ENO4: variants seen among roughly 807,000 people sequenced by gnomAD.
ENO4 encodes enolase 4.
Under a neutral mutation model 63.2 loss-of-function variants are expected in ENO4, and 53 were observed. The observed-to-expected ratio is 0.84, with a 90% CI of 0.67 to 1.05. The LOEUF is 1.05. ENO4 is among the 50% of genes least tolerant of loss of function. ENO4 has a pLI of 0.00. For missense variants in ENO4, 719 were observed against 772.0 expected, an observed-to-expected ratio of 0.93 and a Z score of 0.81; for synonymous variants, 266 against 283.8, an observed-to-expected ratio of 0.94 and a Z score of 0.63.
At chr10:116,897,256 T>C (rs1052120714) in intron 10 of ENO4, among the ~76,000 whole-genome samples, 2 of 152,232 alleles carry the variant, frequency 1.3e-5, no homozygotes, top group East Asian at 1.9e-4. Flanking sequence ...GTCCTGAGGA[T>C]GTATTTTAAA....
At chr10:116,879,396 T>C (rs1420967991) in intron 12 of ENO4, 38 bp downstream of exon 12, 1 of 1,452,408 alleles carries the variant, frequency 6.9e-7, no homozygotes, top group African/African-American at 1.4e-5. Flanking sequence ...AAACACTGCT[T>C]TTATCACGAA....
chr10:116,884,050 C>G (rs1379306356), downstream of ENO4: 1 of 311,626 alleles, frequency 3.2e-6, no homozygotes, highest in Non-Finnish European at 6.5e-6. Context: ...CTATAGCGCA[C>G]AAGACTTAAT....
rs116398849 is a variant in ENO4, at chr10:116,899,771, G to A, written c.1195-11728G>A. On this transcript the variant is annotated intron_variant, in intron 10 of 10. Transcript: ENST00000369207. The stretch of plus-strand genomic sequence containing the variant: ...TACTTTACTTATTAATTGCTGACCC[G>A]ACTTCAAAGTGCTTTGACAGGCCAA... 2.4e-3 allele frequency among the ~76,000 whole-genome samples: 362 copies of A among 152,212 alleles called. 3 individuals are homozygous for A. The highest frequency in any genetic ancestry group is 8.2e-3 in the African/African-American group (339 of 41,522).
intron 3 of ENO4, 90 bp from the exon 4 acceptor site, chr10:116,858,900 A>G: frequency 1.5e-6 from 1 of 664,494 alleles, no homozygotes; most frequent in East Asian, 3.0e-5. Flanking sequence ...ATTTATTGAA[A>G]TATATGGGGT....
intron 1 of ENO4, among the ~76,000 whole-genome samples, chr10:116,853,187 C>T (rs1846138075): frequency 6.7e-6 from 1 of 149,034 alleles, no homozygotes; most frequent in Admixed American, 6.8e-5. Context: ...CCCAGCTACT[C>T]GTGAGGCTGA....
chr10:116,907,000 G>C (rs1483617002), intron 10 of ENO4, among the ~76,000 whole-genome samples: 3 of 152,180 alleles, frequency 2.0e-5, no homozygotes, highest in Non-Finnish European at 4.4e-5. Flanking sequence ...AACACTTCTG[G>C]AAGAGGTGAC....
At chr10:116,859,269 C>A in intron 4 of ENO4, 131 bp downstream of exon 4, 1 of 1,015,586 alleles carries the variant, frequency 9.8e-7, no homozygotes, top group Non-Finnish European at 1.3e-6. Flanking sequence ...AGCCATCCAT[C>A]CTATGCCACA....
chr10:116,906,499 T>G (rs1847976794), intron 10 of ENO4: 14 of 904,824 alleles, frequency 1.5e-5, no homozygotes, highest in Non-Finnish European at 1.9e-5. Context: ...CATCCCATAC[T>G]TCTCACTCAC....
At position 116,881,891 on chromosome 10, in the gene ENO4, G is replaced by C. The variant is rs1847027609; in HGVS notation, c.*222G>C. 4 of 395,302 alleles carry C rather than the reference G, an allele frequency of 1.0e-5. No homozygotes were observed. The East Asian group carries it at 1.5e-4, about 15-fold the overall frequency. 24.5% of individuals were successfully genotyped at this position (395,302 alleles called of 1,614,324 possible). On this transcript the variant is annotated 3_prime_UTR_variant, in exon 14 of 14. Transcript: ENST00000341276. ...GCCACCACACTTCCATGTGGATTTT[G>C]TTTGTCTATTAGCTCTCCTGTCCAT...
intron 10 of ENO4, among the ~76,000 whole-genome samples, chr10:116,909,751 G>A (rs1312851669): frequency 6.6e-6 from 1 of 152,096 alleles, no homozygotes; most frequent in Non-Finnish European, 1.5e-5. Flanking sequence ...TCTACCTGGG[G>A]GCTAACTTAG....
downstream of ENO4, chr10:116,883,191 C>T (rs2133289588): frequency 6.6e-6 from 1 of 152,258 alleles, no homozygotes; most frequent in East Asian, 1.9e-4. Context: ...CTGCACTCAC[C>T]AATGGATAAT....
chr10:116,871,208 G>C lies in ENO4; in HGVS notation c.1131G>C (p.Gln377His), dbSNP rs558333547. 1.9e-6 allele frequency: 3 copies of C among 1,550,500 alleles called. No individual in the cohort carries two copies. The highest frequency in any genetic ancestry group is 2.7e-5 in the African/African-American group (2 of 73,160). Reference protein sequence around the residue: ...DSIEQPLLLIQEICANLGLEL... With the variant: ...DSIEQPLLLIHEICANLGLEL... The stretch of plus-strand genomic sequence containing the variant: ...TAGAACAGCCACTGCTTCTAATACA[G>C]GAAATCTGTGCCAACCTGGGGCTAG... Residue 377 changes from glutamine (Q) to histidine (H), a missense_variant, in exon 9 of 14, where the codon CAG (glutamine) becomes CAC (histidine). By Grantham distance (24) the Gln-to-His change is conservative. This residue lies in a region of ENO4 where 544 missense variants were observed against 583.6 expected (regional missense o/e 0.93). Coordinates refer to ENST00000341276, the MANE Select transcript of ENO4 (RefSeq NM_001242699.2).
chr10:116,898,243 G>A (rs952001626), intron 10 of ENO4, among the ~76,000 whole-genome samples: 20 of 151,948 alleles, frequency 1.3e-4, no homozygotes, highest in African/African-American at 4.6e-4. Flanking sequence ...CAAGAGAATC[G>A]CTTGAACTTG....
Position 116,879,284 on chromosome 10 carries a change from C to T in ENO4, c.1538-7C>T, listed in dbSNP as rs1177845806. The T allele has an allele frequency of 2.6e-6, 4 of 1,545,918 alleles. No homozygotes were observed. The highest frequency in any genetic ancestry group is 2.4e-5 in the East Asian group (1 of 40,876). ...CCATATAAAACTGAAAGAAATTCCT[C>T]TTCCAGGTAAGAAGCACATCACTGT... On this transcript the variant is annotated splice_region_variant and splice_polypyrimidine_tract_variant and intron_variant, in intron 11 of 13. Coordinates refer to ENST00000341276, the MANE Select transcript of ENO4 (RefSeq NM_001242699.2).
At chr10:116,875,561 T>TCTCACACACACACACACACA (rs1554902980) in intron 10 of ENO4, among the ~76,000 whole-genome samples, 11 of 148,014 alleles carry the variant, frequency 7.4e-5, no homozygotes, top group African/African-American at 2.7e-4. Flanking sequence ...TCCAGGCTGG[T>TCTCACACACACACACACACA]CACACACACA....
chr10:116,873,233 T>A (rs1022166384), intron 9 of ENO4, among the ~76,000 whole-genome samples: 18 of 152,192 alleles, frequency 1.2e-4, no homozygotes, highest in Admixed American at 7.9e-4. Flanking sequence ...ATGAAATCCC[T>A]TCAGTTATGG....
intron 7 of ENO4, among the ~76,000 whole-genome samples, chr10:116,865,404 C>G (rs1846523602): frequency 1.3e-5 from 2 of 152,048 alleles, no homozygotes; most frequent in Admixed American, 1.3e-4. Context: ...GCAGGCTGGT[C>G]TCGAACTCCT....
chr10:116,881,240 AC>A (rs1828346483), intron 13 of ENO4, among the ~76,000 whole-genome samples: 1 of 151,988 alleles, frequency 6.6e-6, no homozygotes, highest in Non-Finnish European at 1.5e-5. Context: ...CTTCCTCTTA[AC>A]CCTTTCCGCT....
At chr10:116,883,046 T>G (rs1847066422), downstream of ENO4, 1 of 151,758 alleles carries the variant, frequency 6.6e-6, no homozygotes, top group Non-Finnish European at 1.5e-5. Flanking sequence ...ATAATTAAAT[T>G]ACTAAAACCA....
Sources: gnomAD v4.1 joint callset for allele counts (sites outside exome capture counted in the v4.1 genomes callset) on GRCh38, gnomAD v4.1.1 for gene constraint, gnomAD v4.1.1 regional missense constraint, MANE v1.5 for transcripts, NCBI Gene and HGNC (gene_info 2026-07-23, HGNC 2026-07-21) for gene names.